CES4A: variants seen among roughly 807,000 people sequenced by gnomAD.
CES4A encodes carboxylesterase 4A, also known as carboxylesterase 6.
A neutral mutation model predicts 65.4 loss-of-function variants in CES4A; 48 were observed. The observed-to-expected ratio is 0.73, with a 90% CI of 0.58 to 0.93. The LOEUF is 0.93. Ranked by LOEUF, CES4A falls within the 40% of genes least tolerant of loss-of-function variation. The pLI is 0.00. For missense variants in CES4A, 685 were observed against 728.5 expected, an observed-to-expected ratio of 0.94 and a Z score of 0.69; for synonymous variants, 247 against 281.8, an observed-to-expected ratio of 0.88 and a Z score of 1.24.
chr16:67,005,131 C>A, intron 10 of CES4A, 109 bp from the exon 11 acceptor site: 1 of 1,181,910 alleles, frequency 8.5e-7, no homozygotes, highest in Non-Finnish European at 1.2e-6. Flanking sequence ...TTCTCCCCCT[C>A]CCAGGCCAAA....
At position 67,000,541 on chromosome 16, in the gene CES4A, A is replaced by G. The variant is rs1015200799; in HGVS notation, c.261-97A>G. 1.4e-6 allele frequency: 2 copies of G among 1,474,688 alleles called. No individual in the cohort carries two copies. Among genetic ancestry groups the G allele is most frequent in the Non-Finnish European group, 1.8e-6 (2 of 1,107,898 alleles). The allele number at this position is 1,474,688 out of a possible 1,614,324, so 91.4% of individuals were successfully genotyped here. A position where few individuals can be genotyped will look rare whatever the true frequency, so the allele number is the denominator to read the frequency against. Reference sequence around the variant, plus strand: ...TGCGCACGCACACGCACGCGCACAGACGCTGCCTGGATTTTGCTTTGGGTT... The same window carrying G: ...TGCGCACGCACACGCACGCGCACAGGCGCTGCCTGGATTTTGCTTTGGGTT... On this transcript the variant is annotated intron_variant, in intron 2 of 13. Coordinates refer to ENST00000648724, the Ensembl canonical transcript of CES4A. This position sits in a 1 kb window ranked among gnomAD's most constrained non-coding sequence, Gnocchi z 4.2.
chr16:66,994,677 T>C (rs1328718231), intron 1 of CES4A, among the ~76,000 whole-genome samples: 1 of 150,310 alleles, frequency 6.7e-6, no homozygotes, highest in Admixed American at 6.6e-5. Flanking sequence ...CCATCTCTAC[T>C]AAAAATACAA....
chr16:67,007,559 C>A (rs2145673079), intron 13 of CES4A: 1 of 152,292 alleles, frequency 6.6e-6, no homozygotes, highest in South Asian at 2.1e-4. Context: ...AGTCACTGCG[C>A]CTGGCCTCTC....
intron 2 of CES4A, among the ~76,000 whole-genome samples, chr16:66,998,459 C>T (rs921021497): frequency 1.3e-5 from 2 of 152,076 alleles, no homozygotes; most frequent in Admixed American, 6.6e-5. Context: ...TGTGATGGTG[C>T]GTGCTTGTAG....
At chr16:67,004,260 CGTAA>C (rs778078229) in intron 9 of CES4A, 36 bp downstream of exon 9, 5 of 1,611,310 alleles carry the variant, frequency 3.1e-6, no homozygotes, top group African/African-American at 2.7e-5. Context: ...TCTTGCCTTA[CGTAA>C]GTGAGTACCA....
In CES4A at chr16:67,000,853, C is replaced by G; in HGVS notation, c.403-4C>G. The G allele has an allele frequency of 6.3e-7, 1 of 1,587,210 alleles. No individual in the cohort carries two copies. The highest frequency in any genetic ancestry group is 1.8e-5 in the Admixed American group (1 of 55,664). ...CCGCTCAGATCCCGGCCTTCTTCGTCCAGGTGATGGTCTGGTTCCCGGGAG... is the reference window on the plus strand; with the variant it reads ...CCGCTCAGATCCCGGCCTTCTTCGTGCAGGTGATGGTCTGGTTCCCGGGAG... On this transcript the variant is annotated splice_polypyrimidine_tract_variant and splice_region_variant and intron_variant, in intron 3 of 13. Coordinates refer to ENST00000648724, the Ensembl canonical transcript of CES4A. This position sits in a 1 kb window ranked among gnomAD's most constrained non-coding sequence, Gnocchi z 4.2.
chr16:67,006,810 C>T (rs374934167), exon 13 of CES4A: 9 of 1,613,886 alleles, frequency 5.6e-6, no homozygotes, highest in African/African-American at 2.7e-5. Flanking sequence ...CAACTTTGCC[C>T]GCACAGGGTG....
intron 1 of CES4A, among the ~76,000 whole-genome samples, chr16:66,993,391 G>A (rs912079369): frequency 2.0e-5 from 3 of 152,180 alleles, no homozygotes; most frequent in Non-Finnish European, 4.4e-5. Flanking sequence ...CACCCAGGCT[G>A]GAGTGCAGTG....
At chr16:66,999,295 A>G (rs1965101125) in intron 2 of CES4A, among the ~76,000 whole-genome samples, 1 of 152,214 alleles carries the variant, frequency 6.6e-6, no homozygotes. Flanking sequence ...TGTTATGAGA[A>G]TAGCCACCTA....
In CES4A at chr16:67,006,499, T is replaced by C. The variant is rs764700665; in HGVS notation, c.1424T>C (p.Phe475Ser). The C allele has an allele frequency of 2.0e-5, 30 of 1,536,930 alleles. No homozygotes were observed. In the South Asian group the frequency reaches 2.9e-4, roughly 15 times the overall value. The change falls in exon 12 of 14, where the codon TTT becomes TCT. Residue 475 changes from phenylalanine to serine, a missense_variant. By Grantham distance (155) the Phe-to-Ser change is radical. Transcript: ENST00000648724. Reference sequence around the variant, plus strand: ...CATGGGGATGAGATGTACTTCCTCTTTGGGGGCCCCTTCGCCACAGGTGCA... The same window carrying C: ...CATGGGGATGAGATGTACTTCCTCTCTGGGGGCCCCTTCGCCACAGGTGCA...
At chr16:67,002,998 G>A (rs1051251373) in intron 5 of CES4A, 72 bp from the exon 6 acceptor site, 3 of 1,352,496 alleles carry the variant, frequency 2.2e-6, no homozygotes, top group Non-Finnish European at 3.2e-6. Flanking sequence ...CCCATGGCCA[G>A]ACAGATGCCC....
chr16:67,005,675 C>T, intron 11 of CES4A: 2 of 335,672 alleles, frequency 6.0e-6, no homozygotes, highest in Non-Finnish European at 1.1e-5. Flanking sequence ...GGTGAAAACC[C>T]ATCTCTACTA....
chr16:67,006,828 C>A lies in CES4A; in HGVS notation c.1517+11C>A, dbSNP rs1217778866. 6.2e-7 allele frequency: 1 copy of A among 1,613,258 alleles called. No homozygotes were observed. Among genetic ancestry groups the A allele is most frequent in the Non-Finnish European group, 8.5e-7 (1 of 1,179,454 alleles). On this transcript the variant is annotated intron_variant, in intron 13 of 13. Transcript: ENST00000648724. ...CTTTGCCCGCACAGGGTGAGTCTGCCCCCCAGCACATCTGGGCATTCTACC... is the reference window on the plus strand; with the variant it reads ...CTTTGCCCGCACAGGGTGAGTCTGCACCCCAGCACATCTGGGCATTCTACC...
chr16:67,000,646 A>C lies in CES4A; in HGVS notation c.269A>C (p.Gln90Pro), dbSNP rs975996686. 3 of 1,547,404 alleles carry C rather than the reference A, an allele frequency of 1.9e-6. No homozygotes were observed. The highest frequency in any genetic ancestry group is 2.7e-5 in the African/African-American group (2 of 72,936). Residue 90 changes from glutamine to proline, a missense_variant, in exon 3 of 14, where the codon CAG (glutamine) becomes CCG (proline). Coordinates refer to ENST00000648724, the Ensembl canonical transcript of CES4A. The surrounding 1 kb of genome is among the most constrained non-coding windows in gnomAD (Gnocchi z 4.2). ...CTACCTGGTGCCCGCAGGTGCCTGC[A>C]GGAGTCCTGGGGCCAGCTGGCCTCG...
At chr16:67,008,703 C>T in intron 13 of CES4A, 1 of 372,870 alleles carries the variant, frequency 2.7e-6, no homozygotes. Context: ...CCTGGCCACA[C>T]ACACACTCTG....
intron 2 of CES4A, among the ~76,000 whole-genome samples, chr16:66,996,856 C>T (rs1250526041): frequency 6.6e-6 from 1 of 151,998 alleles, no homozygotes; most frequent in East Asian, 1.9e-4. Flanking sequence ...GAGTTCAAGA[C>T]CAGCCTGGGC....
chr16:66,993,281 G>A (rs1032092349), intron 1 of CES4A, among the ~76,000 whole-genome samples: 2 of 152,184 alleles, frequency 1.3e-5, no homozygotes, highest in South Asian at 2.1e-4. Flanking sequence ...GCACTTGTAC[G>A]CATATGTATG....
chr16:67,003,107 C>A lies in CES4A; in HGVS notation c.728C>A (p.Ala243Asp). The A allele has an allele frequency of 1.2e-6, 2 of 1,614,136 alleles. No homozygotes were observed. Among genetic ancestry groups the A allele is most frequent in the South Asian group, 2.2e-5 (2 of 91,084 alleles). ...CTAGCCTCGGGTCTCTTCCATCGGG[C>A]CATTTCCCAGAGTGGCACCGCGTTA... is the stretch of plus-strand genomic sequence containing the variant. Residue 243 changes from alanine to aspartate, a missense_variant, in exon 6 of 14, where the codon GCC becomes GAC. Coordinates refer to ENST00000648724, the Ensembl canonical transcript of CES4A. The surrounding 1 kb of genome is among the most constrained non-coding windows in gnomAD (Gnocchi z 4.2).
rs754389583 is a variant in CES4A at position 67,003,037 on chromosome 16, A to G, written c.691-33A>G. The stretch of plus-strand genomic sequence containing the variant: ...ACAGCCCAGGTGTCTCTACTTGGGC[A>G]TCTCACGGGTGTATTCCTCCCTGTT... On this transcript the variant is annotated intron_variant, in intron 5 of 13. Coordinates refer to ENST00000648724, the Ensembl canonical transcript of CES4A. This position sits in a 1 kb window ranked among gnomAD's most constrained non-coding sequence, Gnocchi z 4.2. 2 of 1,574,884 alleles carry G rather than the reference A, an allele frequency of 1.3e-6. No individual in the cohort carries two copies. Among genetic ancestry groups the G allele is most frequent in the Admixed American group, 3.3e-5 (2 of 59,958 alleles).
Sources: gnomAD v4.1 joint callset for allele counts (sites outside exome capture counted in the v4.1 genomes callset) on GRCh38, gnomAD v4.1.1 for gene constraint, Gnocchi (gnomAD v3.1) non-coding constraint, MANE v1.5 for transcripts, NCBI Gene and HGNC (gene_info 2026-07-23, HGNC 2026-07-21) for gene names.